The following TNFRSF13B variants were observed in gnomAD, a reference collection of about 807,000 sequenced individuals.
TNFRSF13B encodes the protein tumor necrosis factor receptor superfamily member 13B.
In TNFRSF13B, 34 loss-of-function variants were observed where a neutral mutation model predicts 24.0. That is an observed-to-expected ratio of 1.41 (90% CI 1.08 to 1.88). The LOEUF (loss-of-function observed/expected upper bound fraction) is 1.88. Ranked by LOEUF, TNFRSF13B falls within the 40% of genes most tolerant of loss-of-function variation. The pLI, the probability that TNFRSF13B is intolerant of heterozygous loss-of-function variation, is 0.00. For synonymous variants in TNFRSF13B, 173 were observed against 150.3 expected (o/e 1.15, Z -1.10); for missense variants, 415 against 380.8 (o/e 1.09, Z -0.75).
intron 3 of TNFRSF13B, among the ~76,000 whole-genome samples, chr17:16,947,260 C>G (rs1255437016): frequency 6.6e-6 from 1 of 152,138 alleles, no homozygotes. Flanking sequence ...CTAGAGAAAT[C>G]CTGGAAAATA....
At chr17:16,960,679 A>G (rs2087656340) in intron 1 of TNFRSF13B, among the ~76,000 whole-genome samples, 1 of 152,218 alleles carries the variant, frequency 6.6e-6, no homozygotes, top group Admixed American at 6.5e-5. Context: ...ATCTCCATGC[A>G]CTAAATTTGA....
At chr17:16,962,225 G>A (rs2087667086) in intron 1 of TNFRSF13B, among the ~76,000 whole-genome samples, 1 of 152,210 alleles carries the variant, frequency 6.6e-6, no homozygotes, top group South Asian at 2.1e-4. Flanking sequence ...AAGAAAGGTA[G>A]GCCAGGTGTG....
rs764858993 is a variant in TNFRSF13B, at chr17:16,948,875, A to G, written c.308T>C (p.Phe103Ser). ...TGGGCTCCTGAGCTTGTTCTCACAG[A>G]AGTATGCACATTGCTTAGGGTGCTG... The part of the protein sequence containing the change: ...CGQHPKQCAY[F>S]CENKLRSPVN... Residue 103 changes from phenylalanine (F) to serine (S), a missense_variant, in exon 3 of 5, where the codon TTC (phenylalanine) becomes TCC (serine). By Grantham distance (155) the Phe-to-Ser change is radical (BLOSUM62 -2). Coordinates refer to ENST00000261652, the MANE Select transcript of TNFRSF13B (RefSeq NM_012452.3). 2 of 1,614,220 alleles carry G rather than the reference A, an allele frequency of 1.2e-6. No homozygotes were observed.
intron 1 of TNFRSF13B, among the ~76,000 whole-genome samples, chr17:16,959,527 A>T (rs887422470): frequency 3.3e-5 from 5 of 152,004 alleles, no homozygotes; most frequent in African/African-American, 1.2e-4. Context: ...AATAGAGAAA[A>T]TCAACAAAAC....
At chr17:16,957,558 A>C (rs2087633679) in intron 1 of TNFRSF13B, among the ~76,000 whole-genome samples, 1 of 152,180 alleles carries the variant, frequency 6.6e-6, no homozygotes, top group Admixed American at 6.5e-5. Context: ...TATTACAATA[A>C]AATCAAGGAA....
chr17:16,952,659 G>C, intron 1 of TNFRSF13B, 76 bp from the exon 2 acceptor site: 1 of 1,603,132 alleles, frequency 6.2e-7, no homozygotes, highest in Middle Eastern at 1.7e-4. Context: ...GAACCAAGAC[G>C]GCCTCTCCTG....
rs569730016 is a variant in TNFRSF13B at position 16,947,160 on chromosome 17, A to C, written c.445+1578T>G. The stretch of plus-strand genomic sequence containing the variant: ...AAACCTGGCAAAGACACAACAACAA[A>C]AAAAAGAAAACCACAGGCCGATATC... On this transcript the variant is annotated intron_variant, in intron 3 of 4. Transcript: ENST00000261652. Among the ~76,000 whole-genome samples the C allele has an allele frequency of 2.9e-4, 44 of 152,336 alleles. No homozygotes were observed. The South Asian group carries it at 8.3e-3, about 29-fold the overall frequency.
At position 16,968,863 on chromosome 17, in the gene TNFRSF13B, A is replaced by T. The variant is rs532138682; in HGVS notation, c.61+3152T>A. 1.4e-4 allele frequency among the ~76,000 whole-genome samples: 22 copies of T among 152,332 alleles called. No homozygotes were observed. In the South Asian group the frequency reaches 3.5e-3, roughly 24 times the overall value. On this transcript the variant is annotated intron_variant, in intron 1 of 4. Transcript: ENST00000261652. The stretch of plus-strand genomic sequence containing the variant: ...CTTATAACAGAATAATGAAAAGGCA[A>T]CCCAATTTTTATATGGGCTAAATAT...
chr17:16,970,272 T>C (rs149427909), intron 1 of TNFRSF13B, among the ~76,000 whole-genome samples: 1 of 152,280 alleles, frequency 6.6e-6, no homozygotes, highest in East Asian at 1.9e-4. Flanking sequence ...AACACCTCTC[T>C]GACACTAGCT....
intron 3 of TNFRSF13B, among the ~76,000 whole-genome samples, chr17:16,946,406 G>C (rs1287169270): frequency 1.3e-5 from 2 of 152,030 alleles, no homozygotes; most frequent in Admixed American, 6.5e-5. Flanking sequence ...GAGCAGGGCA[G>C]GTGCAAAAAG....
chr17:16,963,785 C>T (rs181835814), intron 1 of TNFRSF13B, among the ~76,000 whole-genome samples: 2,153 of 152,284 alleles, frequency 0.014, 50 homozygotes, highest in African/African-American at 0.049. Context: ...CTCCTGACCT[C>T]CTGATCCACC....
chr17:16,968,808 G>C (rs992652931), intron 1 of TNFRSF13B, among the ~76,000 whole-genome samples: 1 of 152,172 alleles, frequency 6.6e-6, no homozygotes, highest in African/African-American at 2.4e-5. Flanking sequence ...TACCTGAAAA[G>C]GAGCTTGTAT....
chr17:16,946,549 CTTATTTTTTATTA>C (rs1478827913), intron 3 of TNFRSF13B, among the ~76,000 whole-genome samples: 2 of 151,280 alleles, frequency 1.3e-5, no homozygotes, highest in Non-Finnish European at 2.9e-5. Context: ...ATTTTCTTTA[CTTATTTTTTATTA>C]TTTTTATTTT....
chr17:16,963,701 C>A (rs2087679287), intron 1 of TNFRSF13B, among the ~76,000 whole-genome samples: 1 of 152,182 alleles, frequency 6.6e-6, no homozygotes, highest in African/African-American at 2.4e-5. Context: ...AGGTGCCCAC[C>A]ACCACGCCTG....
chr17:16,945,220 C>G (rs569243031), intron 3 of TNFRSF13B, among the ~76,000 whole-genome samples: 1 of 152,344 alleles, frequency 6.6e-6, no homozygotes, highest in South Asian at 2.1e-4. Context: ...CCTCACACAG[C>G]CCCCAATGCT....
chr17:16,941,531 G>C (rs1249599815), intron 3 of TNFRSF13B: 34 of 987,500 alleles, frequency 3.4e-5, no homozygotes, highest in Non-Finnish European at 4.0e-5. Context: ...AGAAGAGCGA[G>C]TCCCACTTCG....
At chr17:16,952,420 C>T (rs775812086) in intron 2 of TNFRSF13B, 26 bp downstream of exon 2, 4 of 1,613,794 alleles carry the variant, frequency 2.5e-6, no homozygotes, top group Non-Finnish European at 3.4e-6. Flanking sequence ...TCACACTGTC[C>T]CCTCGGCTCA....
rs755814930 is a variant in TNFRSF13B, at chr17:16,939,802, A to G, written c.632-5T>C. On this transcript the variant is annotated splice_region_variant and splice_polypyrimidine_tract_variant and intron_variant, in intron 4 of 4. Coordinates refer to ENST00000261652, the MANE Select transcript of TNFRSF13B (RefSeq NM_012452.3). ...TGCCGGCTTCCATCGCGTGATCTGC[A>G]GAGGCGAGAGTGGAGGGCGTGGGCC... 5 of 1,610,818 alleles carry G rather than the reference A, an allele frequency of 3.1e-6. No individual in the cohort carries two copies. The highest frequency in any genetic ancestry group is 4.2e-6 in the Non-Finnish European group (5 of 1,179,056).
At chr17:16,948,070 T>C (rs1032154833) in intron 3 of TNFRSF13B, among the ~76,000 whole-genome samples, 5 of 152,238 alleles carry the variant, frequency 3.3e-5, no homozygotes, top group Admixed American at 1.3e-4. Flanking sequence ...GCCATTATCC[T>C]AAGTGAATTA....
Sources: allele counts gnomAD v4.1 joint callset (sites outside exome capture counted in the v4.1 genomes callset), GRCh38; gene constraint gnomAD v4.1.1; transcripts MANE v1.5; gene names NCBI Gene and HGNC (gene_info 2026-07-23, HGNC 2026-07-21).